EPC2: variants seen among roughly 807,000 people sequenced by gnomAD.
The protein encoded by EPC2 is enhancer of polycomb 2.
Under a neutral mutation model 92.1 loss-of-function variants are expected in EPC2, and 14 were observed. That is an observed-to-expected ratio of 0.15 (90% CI 0.10 to 0.24). The LOEUF is 0.24. Among genes scored for constraint, EPC2 ranks in the 10% least tolerant of loss-of-function variants. EPC2 has a pLI of 1.00. For synonymous variants in EPC2, 340 were observed against 334.7 expected (o/e 1.02, Z -0.17); for missense variants, 755 against 971.5 (o/e 0.78, Z 2.96).
chr2:148,770,197 A>G (rs1005739309), intron 8 of EPC2, among the ~76,000 whole-genome samples: 1 of 152,066 alleles, frequency 6.6e-6, no homozygotes, highest in Non-Finnish European at 1.5e-5. Flanking sequence ...ATACCACTAC[A>G]TGCTGCTAAT....
chr2:148,654,161 A>G (rs1464408654), intron 1 of EPC2, among the ~76,000 whole-genome samples: 1 of 151,924 alleles, frequency 6.6e-6, no homozygotes, highest in Admixed American at 6.6e-5. Context: ...CTTGGCCAGA[A>G]TGGTCTTGAT....
At chr2:148,760,337 T>C (rs1455798473) in intron 4 of EPC2, among the ~76,000 whole-genome samples, 3 of 152,184 alleles carry the variant, frequency 2.0e-5, no homozygotes, top group Non-Finnish European at 4.4e-5. Flanking sequence ...GAACACTTAC[T>C]GAACAGGGGA....
At position 148,678,915 on chromosome 2, in the gene EPC2, G is replaced by A. The variant is rs920008866; in HGVS notation, c.154-11299G>A. Among the ~76,000 whole-genome samples, 9 of 152,254 alleles carry A rather than the reference G, an allele frequency of 5.9e-5. No homozygotes were observed. In the South Asian group the frequency reaches 6.2e-4, roughly 10 times the overall value. ...GGCAGAGGAGGCGCCAAGAGCGAGC[G>A]AGGGCTGTGAGGACTGCCAGCACTC... On this transcript the variant is annotated intron_variant, in intron 1 of 13. Coordinates refer to ENST00000258484, the MANE Select transcript of EPC2 (RefSeq NM_015630.4).
chr2:148,645,306 G>C (rs1421608419), intron 1 of EPC2, 136 bp downstream of exon 1: 2 of 789,922 alleles, frequency 2.5e-6, no homozygotes, highest in East Asian at 5.8e-5. Context: ...ACTCTACGCC[G>C]GCGGAGTAGC....
intron 2 of EPC2, among the ~76,000 whole-genome samples, chr2:148,730,220 G>T (rs1193136514): frequency 6.6e-6 from 1 of 152,130 alleles, no homozygotes; most frequent in Non-Finnish European, 1.5e-5. Flanking sequence ...AGCATTCAGG[G>T]TCTTTTAGTA....
intron 2 of EPC2, among the ~76,000 whole-genome samples, chr2:148,711,087 G>A (rs552286988): frequency 3.4e-4 from 51 of 151,770 alleles, no homozygotes; most frequent in Admixed American, 1.2e-3. Flanking sequence ...CCTGTTTTCA[G>A]TTTGATTAAT....
At chr2:148,655,069 T>C (rs1015909674) in intron 1 of EPC2, among the ~76,000 whole-genome samples, 2 of 152,246 alleles carry the variant, frequency 1.3e-5, no homozygotes, top group African/African-American at 4.8e-5. Context: ...ATGAGGGTAG[T>C]CATGCCATTT....
chr2:148,746,430 A>G (rs1217324862), intron 3 of EPC2, among the ~76,000 whole-genome samples: 1 of 152,064 alleles, frequency 6.6e-6, no homozygotes, highest in African/African-American at 2.4e-5. Context: ...TTGATAACTA[A>G]TTCACTTCAG....
chr2:148,656,737 C>T (rs77959166), intron 1 of EPC2, among the ~76,000 whole-genome samples: 2,363 of 152,162 alleles, frequency 0.016, 72 homozygotes, highest in African/African-American at 0.054. Flanking sequence ...GTGCTTTAGA[C>T]GCAGAAAGGA....
At chr2:148,731,348 A>C (rs970055135) in intron 2 of EPC2, among the ~76,000 whole-genome samples, 6 of 152,246 alleles carry the variant, frequency 3.9e-5, no homozygotes, top group African/African-American at 1.4e-4. Context: ...TGTCTTATTT[A>C]GTTGCCTGCT....
At chr2:148,652,479 A>T (rs1680707288) in intron 1 of EPC2, among the ~76,000 whole-genome samples, 1 of 152,194 alleles carries the variant, frequency 6.6e-6, no homozygotes, top group Non-Finnish European at 1.5e-5. Context: ...TAATTTTCAA[A>T]GTTGTAAGGG....
At chr2:148,672,603 C>G (rs959516200) in intron 1 of EPC2, among the ~76,000 whole-genome samples, 1 of 152,066 alleles carries the variant, frequency 6.6e-6, no homozygotes, top group Non-Finnish European at 1.5e-5. Flanking sequence ...AAAACTATGC[C>G]TTTTGCTCAC....
At chr2:148,681,405 C>T (rs1027682838) in intron 1 of EPC2, among the ~76,000 whole-genome samples, 1 of 152,054 alleles carries the variant, frequency 6.6e-6, no homozygotes, top group Non-Finnish European at 1.5e-5. Flanking sequence ...AATAGTAATT[C>T]ATGTTGCTGT....
chr2:148,769,239 C>T lies in EPC2; in HGVS notation c.1229C>T (p.Ala410Val). Reference protein sequence around the residue: ...FRRRAGCQYYAPRLDQANHSC... With the variant: ...FRRRAGCQYYVPRLDQANHSC... ...AGGCGGGCAGGATGCCAGTATTATG[C>T]TGTAAGAACTTTTGTGTGTGTGTGG... The change falls in exon 8 of 14, where the codon GCT becomes GTT. Residue 410 changes from alanine to valine, a missense_variant and splice_region_variant. By Grantham distance (64) the Ala-to-Val change is moderately conservative. This residue lies in a region of EPC2 where 509 missense variants were observed against 607.7 expected (regional missense o/e 0.84). Transcript: ENST00000258484. The T allele has an allele frequency of 1.9e-6, 3 of 1,604,870 alleles. No individual in the cohort carries two copies. Among genetic ancestry groups the T allele is most frequent in the Non-Finnish European group, 2.6e-6 (3 of 1,174,732 alleles).
At chr2:148,673,327 G>A (rs893330522) in intron 1 of EPC2, among the ~76,000 whole-genome samples, 2 of 151,922 alleles carry the variant, frequency 1.3e-5, no homozygotes, top group African/African-American at 4.8e-5. Flanking sequence ...TGTGTATATT[G>A]GTCCGCTTGA....
At chr2:148,671,617 A>C (rs181534266) in intron 1 of EPC2, among the ~76,000 whole-genome samples, 6,531 of 152,056 alleles carry the variant, frequency 0.043, 177 homozygotes, top group Middle Eastern at 0.14. Flanking sequence ...CCATCCCCCC[A>C]AAAAAAGTCA....
chr2:148,743,777 C>T lies in EPC2; in HGVS notation c.459+10C>T. 3 of 1,520,520 alleles carry T rather than the reference C, an allele frequency of 2.0e-6. No homozygotes were observed. Among genetic ancestry groups the T allele is most frequent in the Admixed American group, 2.3e-5 (1 of 43,176 alleles). 94.2% of individuals were successfully genotyped at this position (1,520,520 alleles called of 1,614,324 possible). ...AGCCAGTTCTAATCAGGTACTGTAC[C>T]ATGTAAAGATGTCTCTTATCTTCTA... is the stretch of plus-strand genomic sequence containing the variant. On this transcript the variant is annotated intron_variant, in intron 3 of 13. Coordinates refer to ENST00000258484, the MANE Select transcript of EPC2 (RefSeq NM_015630.4).
chr2:148,746,750 T>G (rs1321972427), intron 3 of EPC2, among the ~76,000 whole-genome samples: 1 of 152,040 alleles, frequency 6.6e-6, no homozygotes, highest in Non-Finnish European at 1.5e-5. Context: ...AATATACACT[T>G]AAGTATCTAG....
At chr2:148,706,699 T>C (rs543094567) in intron 2 of EPC2, among the ~76,000 whole-genome samples, 20 of 152,166 alleles carry the variant, frequency 1.3e-4, no homozygotes, top group Non-Finnish European at 2.5e-4. Flanking sequence ...TATTCAACAT[T>C]CTTAAAGAAC....
Sources: allele counts gnomAD v4.1 joint callset (sites outside exome capture counted in the v4.1 genomes callset), GRCh38; gene constraint gnomAD v4.1.1; regional missense constraint gnomAD v4.1.1; transcripts MANE v1.5; gene names NCBI Gene and HGNC (gene_info 2026-07-23, HGNC 2026-07-21).